The following SH3GLB1 variants were observed in gnomAD, a reference collection of about 807,000 sequenced individuals.
SH3GLB1 encodes SH3 domain containing GRB2 like, endophilin B1, also known as endophilin-B1.
SH3GLB1 carries 17 observed loss-of-function variants against 42.0 expected under a neutral mutation model. The observed-to-expected ratio is 0.40, with a 90% confidence interval of 0.28 to 0.61. SH3GLB1 has a LOEUF of 0.61. Ranked by LOEUF, SH3GLB1 falls within the 20% of genes least tolerant of loss-of-function variation. The pLI is 0.36. For missense variants in SH3GLB1, 355 were observed against 426.3 expected, an observed-to-expected ratio of 0.83 and a Z score of 1.47; for synonymous variants, 132 against 146.6, an observed-to-expected ratio of 0.90 and a Z score of 0.72.
Position 86,712,520 on chromosome 1 carries a change from CTTTAT to C in SH3GLB1, c.73-3199_73-3195del, listed in dbSNP as rs150239192. ...TTATTAATCTCTACAATTATTCTTA[CTTTAT>C]TTTAAGATTCTTTCGAGTATTTGTT... On this transcript the variant is annotated intron_variant, in intron 1 of 8. Transcript: ENST00000370558. Among the ~76,000 whole-genome samples, 494 of 152,254 alleles carry C rather than the reference CTTTAT, an allele frequency of 3.2e-3. 3 individuals carry two copies. Among genetic ancestry groups the C allele is most frequent in the African/African-American group, 0.011 (467 of 41,546 alleles).
chr1:86,737,324 T>C (rs1220569213), intron 7 of SH3GLB1, among the ~76,000 whole-genome samples: 1 of 152,202 alleles, frequency 6.6e-6, no homozygotes, highest in Non-Finnish European at 1.5e-5. Flanking sequence ...AATCTTTAAC[T>C]CTGCAAAATT....
At chr1:86,738,060 CAG>C (rs1359498518) in intron 7 of SH3GLB1, among the ~76,000 whole-genome samples, 1 of 152,182 alleles carries the variant, frequency 6.6e-6, no homozygotes, top group East Asian at 1.9e-4. Context: ...TAGGCTTTAA[CAG>C]AATCATTCTG....
intron 1 of SH3GLB1, among the ~76,000 whole-genome samples, chr1:86,710,782 G>A (rs1338373483): frequency 6.6e-6 from 1 of 152,192 alleles, no homozygotes; most frequent in Non-Finnish European, 1.5e-5. Context: ...TGAAGTAACA[G>A]TAATAACAGC....
In SH3GLB1 at chr1:86,728,388, T is replaced by C. The variant is rs748168683; in HGVS notation, c.570+3983T>C. The stretch of plus-strand genomic sequence containing the variant: ...TTGGTATAATGTGTTCTTTGTCTCT[T>C]ACTATGCACTTAAGCAACTAAACTC... On this transcript the variant is annotated intron_variant, in intron 5 of 8. Coordinates refer to ENST00000370558, the MANE Select transcript of SH3GLB1 (RefSeq NM_016009.5). 4.6e-5 allele frequency: 67 copies of C among 1,465,648 alleles called. No individual in the cohort carries two copies. The South Asian group carries it at 7.9e-4, about 17-fold the overall frequency. The allele number at this position is 1,465,648 out of a possible 1,614,324, so 90.8% of individuals were successfully genotyped here. A position where few individuals can be genotyped will look rare whatever the true frequency, so the allele number is the denominator to read the frequency against.
rs190107542 is a variant in SH3GLB1 at position 86,728,566 on chromosome 1, A to G, written c.570+4161A>G. The G allele has an allele frequency of 4.1e-5, 32 of 773,978 alleles. No homozygotes were observed. The Middle Eastern group carries it at 7.1e-4, about 17-fold the overall frequency. 47.9% of individuals were successfully genotyped at this position (773,978 alleles called of 1,614,324 possible). A position where few individuals can be genotyped will look rare whatever the true frequency, so the allele number is the denominator to read the frequency against. ...CTATTAGCCGCTTGTAAAATTTTGA[A>G]ATAATTGGAACCATGTATTCATTTA... On this transcript the variant is annotated intron_variant, in intron 5 of 8. Transcript: ENST00000370558.
chr1:86,738,891 G>A (rs1655917413), intron 7 of SH3GLB1, among the ~76,000 whole-genome samples: 1 of 152,152 alleles, frequency 6.6e-6, no homozygotes, highest in Non-Finnish European at 1.5e-5. Context: ...CTATCTGCCC[G>A]CCTCAGCCTC....
intron 6 of SH3GLB1, 68 bp downstream of exon 6, chr1:86,734,759 G>GA: frequency 8.7e-7 from 1 of 1,145,694 alleles, no homozygotes; most frequent in Non-Finnish European, 1.3e-6. Flanking sequence ...ATTTTGGGAG[G>GA]AAAAACTGAA....
chr1:86,710,873 T>C (rs1654171660), intron 1 of SH3GLB1, among the ~76,000 whole-genome samples: 1 of 152,206 alleles, frequency 6.6e-6, no homozygotes, highest in Non-Finnish European at 1.5e-5. Context: ...TAAATAGTTA[T>C]GAATGAGTTT....
chr1:86,719,269 ATAATT>A (rs1331530581), intron 2 of SH3GLB1, among the ~76,000 whole-genome samples: 2 of 152,194 alleles, frequency 1.3e-5, no homozygotes, highest in African/African-American at 4.8e-5. Flanking sequence ...TACTCAAATA[ATAATT>A]TTATTTTATT....
chr1:86,708,033 A>G lies in SH3GLB1; in HGVS notation c.72+3062A>G, dbSNP rs1653973922. 1.3e-5 allele frequency among the ~76,000 whole-genome samples: 2 copies of G among 152,192 alleles called. 1 individual carries two copies. Among genetic ancestry groups the G allele is most frequent in the African/African-American group, 4.8e-5 (2 of 41,434 alleles). On this transcript the variant is annotated intron_variant, in intron 1 of 8. Transcript: ENST00000370558. ...TGTTGATAGTTGTGGAAGGTTGGTT[A>G]TGGGTTCATGAGGTTTCATTATACT...
intron 7 of SH3GLB1, among the ~76,000 whole-genome samples, chr1:86,739,143 C>G (rs1655932798): frequency 6.6e-6 from 1 of 152,138 alleles, no homozygotes; most frequent in Non-Finnish European, 1.5e-5. Flanking sequence ...ATATGCAGGT[C>G]TGGACTTGGA....
chr1:86,737,420 G>A (rs1371385537), intron 7 of SH3GLB1, among the ~76,000 whole-genome samples: 1 of 152,052 alleles, frequency 6.6e-6, no homozygotes, highest in Non-Finnish European at 1.5e-5. Context: ...AACTAAAAAA[G>A]CCATGTGTAT....
chr1:86,709,382 T>G (rs1654063697), intron 1 of SH3GLB1, among the ~76,000 whole-genome samples: 1 of 152,178 alleles, frequency 6.6e-6, no homozygotes, highest in African/African-American at 2.4e-5. Context: ...TTTCTAACAT[T>G]GTTTGCGGAC....
At chr1:86,710,150 AATAG>A (rs1471172020) in intron 1 of SH3GLB1, among the ~76,000 whole-genome samples, 3 of 152,240 alleles carry the variant, frequency 2.0e-5, no homozygotes, top group East Asian at 1.9e-4. Context: ...ACTTTAGTAA[AATAG>A]ATAGAAGATA....
At chr1:86,736,907 T>A (rs1328424111) in intron 7 of SH3GLB1, among the ~76,000 whole-genome samples, 1 of 152,228 alleles carries the variant, frequency 6.6e-6, no homozygotes, top group Non-Finnish European at 1.5e-5. Flanking sequence ...ATCATCCAGC[T>A]TCACACTAAC....
chr1:86,725,044 A>G (rs891660219), intron 5 of SH3GLB1, among the ~76,000 whole-genome samples: 1 of 149,762 alleles, frequency 6.7e-6, no homozygotes, highest in Non-Finnish European at 1.5e-5. Flanking sequence ...CTGCTAAAAA[A>G]CAAAAATTAT....
At chr1:86,740,745 G>A (rs147424184) in intron 7 of SH3GLB1, among the ~76,000 whole-genome samples, 45 of 152,276 alleles carry the variant, frequency 3.0e-4, no homozygotes, top group Non-Finnish European at 4.4e-4. Context: ...AGAAGAGTTC[G>A]AGGATCTAAG....
At chr1:86,717,507 C>T (rs1016292153) in intron 2 of SH3GLB1, among the ~76,000 whole-genome samples, 18 of 152,226 alleles carry the variant, frequency 1.2e-4, no homozygotes, top group South Asian at 4.2e-4. Flanking sequence ...GCAACCTCCA[C>T]CTCCTGGGTT....
At chr1:86,724,142 AG>A (rs1655023305) in intron 4 of SH3GLB1, among the ~76,000 whole-genome samples, 170 bp from the exon 5 acceptor site, 2 of 100,246 alleles carry the variant, frequency 2.0e-5, no homozygotes, top group African/African-American at 5.4e-5. Flanking sequence ...AACAGTAACA[AG>A]GGGGTGGGGG....
Sources: allele counts gnomAD v4.1 joint callset (sites outside exome capture counted in the v4.1 genomes callset), GRCh38; gene constraint gnomAD v4.1.1; transcripts MANE v1.5; gene names NCBI Gene and HGNC (gene_info 2026-07-23, HGNC 2026-07-21).